The following PCLO variants were observed in gnomAD, a reference collection of about 807,000 sequenced individuals.
The protein encoded by PCLO is piccolo presynaptic cytomatrix protein.
In PCLO, 82 loss-of-function variants were observed where a neutral mutation model predicts 427.5. The observed-to-expected ratio is 0.19, with a 90% CI of 0.16 to 0.23. The LOEUF is 0.23. Among genes scored for constraint, PCLO ranks in the 10% least tolerant of loss-of-function variants. PCLO has a pLI of 1.00. For missense variants in PCLO, 6,239 were observed against 6,115.9 expected (o/e 1.02, Z -0.67); for synonymous variants, 2,357 against 2,155.4 (o/e 1.09, Z -2.59).
Position 83,097,002 on chromosome 7 carries a change from T to C in PCLO, c.3300+37248A>G, listed in dbSNP as rs1480126508. On this transcript the variant is annotated intron_variant, in intron 3 of 24. Transcript: ENST00000333891. ...TATTATATAAATAATATATATTATA[T>C]AAATAATATATATTATATATTATAT... Among the ~76,000 whole-genome samples the C allele has an allele frequency of 1.5e-4, 5 of 33,542 alleles. 2 individuals carry two copies. The highest frequency in any genetic ancestry group is 6.5e-4 in the African/African-American group (5 of 7,696). 22.0% of individuals were successfully genotyped at this position (33,542 alleles called of 152,430 possible).
rs1468245207 is a variant in PCLO at position 82,755,745 on chromosome 7, G to A, written c.*2830C>T. ...TGTACAAAAAAGTAAAAAACACCAA[G>A]AGCCCTATTTGCAATAAAAAAGAAA... On this transcript the variant is annotated 3_prime_UTR_variant, in exon 25 of 25. Coordinates refer to ENST00000333891, the MANE Select transcript of PCLO (RefSeq NM_033026.6). 1.3e-5 allele frequency: 2 copies of A among 152,020 alleles called. No homozygotes were observed. Among genetic ancestry groups the A allele is most frequent in the African/African-American group, 4.8e-5 (2 of 41,400 alleles). 9.4% of individuals were successfully genotyped at this position (152,020 alleles called of 1,614,324 possible).
At chr7:83,094,400 G>A (rs1790478287) in intron 3 of PCLO, among the ~76,000 whole-genome samples, 2 of 151,766 alleles carry the variant, frequency 1.3e-5, no homozygotes, top group African/African-American at 4.8e-5. Context: ...GTAGAGATGG[G>A]ATTTCACCAT....
rs762328780 is a variant in PCLO, at chr7:82,761,391, G to A, written c.15110C>T (p.Thr5037Ile). Residue 5037 changes from threonine to isoleucine, a missense_variant, in exon 23 of 25, where the codon ACA becomes ATA. Around this residue, in one of 5 missense-constraint regions of PCLO, gnomAD observed 877 missense variants for 925.5 expected, o/e 0.95. Coordinates refer to ENST00000333891, the MANE Select transcript of PCLO (RefSeq NM_033026.6). ...ATGATCAGGAGACTTAAATTTGTAT[G>A]TAATATTTCTGCATTGGAGAATTTC... ...IVEILQCRNITYKFKSPDHLP... is the reference protein window; with the variant it reads ...IVEILQCRNIIYKFKSPDHLP... 2 of 1,519,528 alleles carry A rather than the reference G, an allele frequency of 1.3e-6. No homozygotes were observed. Among genetic ancestry groups the A allele is most frequent in the South Asian group, 1.2e-5 (1 of 86,018 alleles). The allele number at this position is 1,519,528 out of a possible 1,614,324, so 94.1% of individuals were successfully genotyped here.
rs745926729 is a variant in PCLO at position 82,952,382 on chromosome 7, T to C, written c.8571A>G (p.Leu2857=). The change falls in exon 5 of 25, where the codon CTA becomes CTG. Residue 2857 remains leucine (L), a synonymous_variant. Transcript: ENST00000333891. ...AREEAPINLS[L]GTPAHAVTLA... ...ATGTCACTGCATGTGCTGGAGTACC[T>C]AGAGATAAGTTTATTGGTGCTTCTT... 45 of 1,613,766 alleles carry C rather than the reference T, an allele frequency of 2.8e-5. No individual in the cohort carries two copies. The highest frequency in any genetic ancestry group is 2.7e-5 in the Non-Finnish European group (32 of 1,179,820).
chr7:82,891,809 G>A (rs180953710), intron 9 of PCLO, among the ~76,000 whole-genome samples: 3 of 152,072 alleles, frequency 2.0e-5, no homozygotes, highest in East Asian at 1.9e-4. Context: ...GGTTTTTGTC[G>A]TTGGTTCTGT....
At chr7:82,911,794 T>C (rs1296975528) in intron 7 of PCLO, among the ~76,000 whole-genome samples, 2 of 152,116 alleles carry the variant, frequency 1.3e-5, no homozygotes, top group Non-Finnish European at 2.9e-5. Flanking sequence ...AGCTAATTTT[T>C]GTATTTTTAG....
chr7:82,960,155 T>G (rs2115611114), intron 4 of PCLO, among the ~76,000 whole-genome samples: 1 of 152,372 alleles, frequency 6.6e-6, no homozygotes, highest in Non-Finnish European at 1.5e-5. Context: ...GTGTTAAGTT[T>G]TTGTTTAATT....
chr7:82,965,639 C>G, intron 4 of PCLO, 132 bp downstream of exon 4: 2 of 616,042 alleles, frequency 3.2e-6, no homozygotes, highest in Non-Finnish European at 5.6e-6. Context: ...AAGTGTTATA[C>G]TTCTTTAAGA....
rs771182412 is a variant in PCLO at position 83,155,377 on chromosome 7, C to T, written c.1264G>A (p.Ala422Thr). The T allele has an allele frequency of 5.6e-6, 9 of 1,613,400 alleles. No individual in the cohort carries two copies. Among genetic ancestry groups the T allele is most frequent in the Middle Eastern group, 1.7e-4 (1 of 6,050 alleles). Residue 422 changes from alanine (A) to threonine (T), a missense_variant, in exon 2 of 25, where the codon GCT (alanine) becomes ACT (threonine). This residue lies in a region of PCLO where 4,677 missense variants were observed against 4,468.4 expected (regional missense o/e 1.05). Transcript: ENST00000333891. ...TQQVGTPKPL[A>T]QQPGLQSPAK... ...GGAGACTGTAGCCCAGGTTGTTGAG[C>T]TAGGGGTTTTGGTGTCCCCACCTGC...
intron 3 of PCLO, among the ~76,000 whole-genome samples, chr7:83,033,357 TA>T (rs1788718071): frequency 6.6e-6 from 1 of 152,228 alleles, no homozygotes; most frequent in Non-Finnish European, 1.5e-5. Context: ...TAGATTACTG[TA>T]AATATTAAAC....
Position 82,838,618 on chromosome 7 carries a change from C to T in PCLO, c.14098-276G>A, listed in dbSNP as rs1485461715. ...AGAAGGAAAATCATAAGGTAGAATGCTGGTTATCTTTTTTAATTAAATTGC... is the reference window on the plus strand; with the variant it reads ...AGAAGGAAAATCATAAGGTAGAATGTTGGTTATCTTTTTTAATTAAATTGC... On this transcript the variant is annotated intron_variant, in intron 14 of 24. Coordinates refer to ENST00000333891, the MANE Select transcript of PCLO (RefSeq NM_033026.6). Among the ~76,000 whole-genome samples the T allele has an allele frequency of 2.0e-5, 3 of 151,838 alleles. No individual in the cohort carries two copies. In the East Asian group the frequency reaches 5.8e-4, roughly 29 times the overall value.
At chr7:82,760,302 A>G (rs1790403461) in intron 24 of PCLO, among the ~76,000 whole-genome samples, 1 of 151,962 alleles carries the variant, frequency 6.6e-6, no homozygotes, top group Admixed American at 6.6e-5. Flanking sequence ...AACTAAAGGG[A>G]TAAGGCATAA....
chr7:83,107,338 T>C (rs552041220), intron 3 of PCLO, among the ~76,000 whole-genome samples: 4 of 152,272 alleles, frequency 2.6e-5, no homozygotes, highest in Admixed American at 6.5e-5. Flanking sequence ...AAAATTAATA[T>C]TGAGTCAAAA....
At chr7:82,917,890 A>C (rs1428003592) in intron 6 of PCLO, among the ~76,000 whole-genome samples, 1 of 152,040 alleles carries the variant, frequency 6.6e-6, no homozygotes, top group Non-Finnish European at 1.5e-5. Context: ...CTTATTAATT[A>C]GATCACATTT....
chr7:83,073,422 C>A (rs1324076658), intron 3 of PCLO, among the ~76,000 whole-genome samples: 1 of 151,912 alleles, frequency 6.6e-6, no homozygotes, highest in Non-Finnish European at 1.5e-5. Context: ...ATATTTTCTG[C>A]CTTTAAGAGC....
At chr7:83,018,304 C>A (rs41603) in intron 3 of PCLO, among the ~76,000 whole-genome samples, 72,312 of 151,714 alleles carry the variant, frequency 0.48, 19,595 homozygotes, top group Middle Eastern at 0.69. Context: ...ATGTTAGATA[C>A]ATACAGAATG....
intron 3 of PCLO, among the ~76,000 whole-genome samples, chr7:83,055,422 C>T (rs1051607298): frequency 2.0e-5 from 3 of 152,078 alleles, no homozygotes; most frequent in Non-Finnish European, 4.4e-5. Context: ...CTAAGGGAGC[C>T]TTATGAAGAC....
intron 3 of PCLO, among the ~76,000 whole-genome samples, chr7:83,108,901 A>C (rs1315927095): frequency 6.6e-6 from 1 of 152,194 alleles, no homozygotes; most frequent in Non-Finnish European, 1.5e-5. Context: ...TGGCTACCTG[A>C]AGTAGCTCTA....
At chr7:82,839,866 A>G (rs1444352102) in intron 14 of PCLO, among the ~76,000 whole-genome samples, 2 of 152,100 alleles carry the variant, frequency 1.3e-5, no homozygotes, top group Non-Finnish European at 2.9e-5. Context: ...GGTTGTCTAC[A>G]TAAGATTTCA....
Sources: allele counts gnomAD v4.1 joint callset (sites outside exome capture counted in the v4.1 genomes callset), GRCh38; gene constraint gnomAD v4.1.1; regional missense constraint gnomAD v4.1.1; transcripts MANE v1.5; gene names NCBI Gene and HGNC (gene_info 2026-07-23, HGNC 2026-07-21).